Variants in GPC5 observed in about 807,000 individuals in gnomAD.
GPC5 encodes the protein glypican-5.
In GPC5, 47 loss-of-function variants were observed where a neutral mutation model predicts 53.9. That is an observed-to-expected ratio of 0.87 (90% CI 0.69 to 1.11). The LOEUF is 1.11. Among genes scored for constraint, GPC5 ranks in the 50% most tolerant of loss-of-function variants. GPC5 has a pLI of 0.00. For missense variants in GPC5, 748 were observed against 713.1 expected, an observed-to-expected ratio of 1.05 and a Z score of -0.56; for synonymous variants, 286 against 263.3, an observed-to-expected ratio of 1.09 and a Z score of -0.84.
At chr13:92,045,341 A>C (rs947542319) in intron 6 of GPC5, among the ~76,000 whole-genome samples, 2 of 152,174 alleles carry the variant, frequency 1.3e-5, no homozygotes, top group African/African-American at 4.8e-5. Context: ...TAGGACATTA[A>C]CCCTGACCAT....
At chr13:92,014,280 G>T (rs1455552867) in intron 6 of GPC5, among the ~76,000 whole-genome samples, 1 of 152,098 alleles carries the variant, frequency 6.6e-6, no homozygotes, top group Non-Finnish European at 1.5e-5. Context: ...TGTTTTTCTT[G>T]CTTGATATGC....
intron 5 of GPC5, among the ~76,000 whole-genome samples, chr13:91,821,894 A>G (rs955448679): frequency 3.3e-5 from 5 of 152,216 alleles, no homozygotes; most frequent in African/African-American, 7.2e-5. Flanking sequence ...GTGCAAAAAA[A>G]TTTGAACTAA....
At chr13:91,904,369 C>T (rs574121104) in intron 5 of GPC5, among the ~76,000 whole-genome samples, 3 of 151,820 alleles carry the variant, frequency 2.0e-5, no homozygotes, top group African/African-American at 7.2e-5. Flanking sequence ...GAAAATCACA[C>T]ATGCCTTCTT....
intron 7 of GPC5, among the ~76,000 whole-genome samples, chr13:92,394,954 T>C (rs1448339655): frequency 1.3e-5 from 2 of 152,194 alleles, no homozygotes; most frequent in Non-Finnish European, 2.9e-5. Flanking sequence ...ATTGCAACCA[T>C]GTCATTTATT....
At chr13:92,449,424 A>G (rs1566595483) in intron 7 of GPC5, among the ~76,000 whole-genome samples, 1 of 152,176 alleles carries the variant, frequency 6.6e-6, no homozygotes, top group African/African-American at 2.4e-5. Flanking sequence ...CTCACATGCA[A>G]TACAGAGAAT....
chr13:92,632,257 T>C (rs1317339771), intron 7 of GPC5, among the ~76,000 whole-genome samples: 1 of 152,118 alleles, frequency 6.6e-6, no homozygotes, highest in Non-Finnish European at 1.5e-5. Context: ...ATATATTTGA[T>C]GATTAAGCTC....
chr13:91,798,363 C>A (rs1594573795), intron 5 of GPC5, among the ~76,000 whole-genome samples: 1 of 152,184 alleles, frequency 6.6e-6, no homozygotes, highest in East Asian at 1.9e-4. Context: ...CCCGACAGCC[C>A]CCAATGTATG....
chr13:92,174,384 A>AT (rs145729796), intron 7 of GPC5, among the ~76,000 whole-genome samples: 20,242 of 149,622 alleles, frequency 0.14, 1,612 homozygotes, highest in Admixed American at 0.17. Context: ...AAACAAAAAA[A>AT]AATGGCCGGG....
At position 92,421,827 on chromosome 13, in the gene GPC5, G is replaced by A. The variant is rs527892526; in HGVS notation, c.1561+276838G>A. On this transcript the variant is annotated intron_variant, in intron 7 of 7. Transcript: ENST00000377067. Reference sequence around the variant, plus strand: ...GAGACGGTGTCTTCATATAGCCAGAGCAGGAGGAAGGTGAGCAGGGTAGGT... The same window carrying A: ...GAGACGGTGTCTTCATATAGCCAGAACAGGAGGAAGGTGAGCAGGGTAGGT... 7.9e-5 allele frequency among the ~76,000 whole-genome samples: 12 copies of A among 152,146 alleles called. No homozygotes were observed. In the East Asian group the frequency reaches 2.3e-3, roughly 29 times the overall value.
chr13:92,589,141 C>A (rs1237771982), intron 7 of GPC5, among the ~76,000 whole-genome samples: 1 of 152,130 alleles, frequency 6.6e-6, no homozygotes, highest in Admixed American at 6.6e-5. Flanking sequence ...CATGGTAGGT[C>A]CTAGTAAATT....
At chr13:91,691,153 C>A (rs887157328) in intron 2 of GPC5, among the ~76,000 whole-genome samples, 10 of 152,262 alleles carry the variant, frequency 6.6e-5, no homozygotes, top group Admixed American at 2.0e-4. Context: ...GCTGAGACTG[C>A]AGCTGTGGGG....
intron 7 of GPC5, among the ~76,000 whole-genome samples, chr13:92,377,246 A>G (rs1399561543): frequency 1.3e-5 from 2 of 152,128 alleles, no homozygotes; most frequent in East Asian, 3.9e-4. Flanking sequence ...TGTGTTCCCT[A>G]CTATACTGTG....
intron 7 of GPC5, among the ~76,000 whole-genome samples, chr13:92,817,182 G>A (rs181594504): frequency 2.2e-4 from 34 of 151,916 alleles, no homozygotes; most frequent in East Asian, 1.5e-3. Context: ...ATTCTCCTCC[G>A]CCTACCACTT....
In GPC5 at chr13:92,450,270, G is replaced by C. The variant is rs567796731; in HGVS notation, c.1561+305281G>C. ...CCTTTGTAAGAAAAGCTTGAGAACA[G>C]AAGTATTTCATATGTTAGATTGATG... is the stretch of plus-strand genomic sequence containing the variant. On this transcript the variant is annotated intron_variant, in intron 7 of 7. Transcript: ENST00000377067. Among the ~76,000 whole-genome samples the C allele has an allele frequency of 9.2e-5, 14 of 152,236 alleles. No homozygotes were observed. In the South Asian group the frequency reaches 2.9e-3, roughly 32 times the overall value.
chr13:92,108,282 A>G (rs2041525961), intron 6 of GPC5, among the ~76,000 whole-genome samples: 1 of 152,204 alleles, frequency 6.6e-6, no homozygotes, highest in African/African-American at 2.4e-5. Context: ...TATGAAAAAT[A>G]TCCTTAGAGG....
intron 7 of GPC5, among the ~76,000 whole-genome samples, chr13:92,368,513 AG>A (rs1239226947): frequency 6.6e-6 from 1 of 150,962 alleles, no homozygotes; most frequent in East Asian, 2.0e-4. Flanking sequence ...GCATTGTGGC[AG>A]GCACCTGTAA....
chr13:92,740,842 G>A (rs1055670853), intron 7 of GPC5, among the ~76,000 whole-genome samples: 4 of 149,918 alleles, frequency 2.7e-5, no homozygotes, highest in Non-Finnish European at 5.9e-5. Flanking sequence ...TATATTGGGG[G>A]AAAAGTAGCC....
At chr13:92,853,679 AAATG>A (rs1307457629) in intron 7 of GPC5, among the ~76,000 whole-genome samples, 2 of 152,204 alleles carry the variant, frequency 1.3e-5, no homozygotes, top group Non-Finnish European at 2.9e-5. Flanking sequence ...AAGTAGAGTA[AAATG>A]AACACTAGAA....
intron 7 of GPC5, among the ~76,000 whole-genome samples, chr13:92,728,491 T>C (rs1395145951): frequency 6.6e-6 from 1 of 151,378 alleles, no homozygotes; most frequent in Non-Finnish European, 1.5e-5. Flanking sequence ...ATAGAGAAAT[T>C]TAGTGAACTT....
Sources: gnomAD v4.1 joint callset for allele counts (sites outside exome capture counted in the v4.1 genomes callset) on GRCh38, gnomAD v4.1.1 for gene constraint, MANE v1.5 for transcripts, NCBI Gene and HGNC (gene_info 2026-07-23, HGNC 2026-07-21) for gene names.